Variants in SLC60A2 observed in about 807,000 individuals in gnomAD.
SLC60A2 encodes solute carrier family 60 member 2.
At chr6:111,271,806 A>AAAAAAG in the SLC60A2 span, among the ~76,000 whole-genome samples, 1 of 78,868 alleles carries the variant, frequency 1.3e-5, no homozygotes, top group African/African-American at 3.0e-5. Flanking sequence ...AAAAAAAAAA[A>AAAAAAG]GTACAAATAG....
chr6:111,263,718 CAT>C, the SLC60A2 span: 1 of 605,964 alleles, frequency 1.7e-6, no homozygotes, highest in South Asian at 2.4e-5. Flanking sequence ...CTCATCTACT[CAT>C]TATCTAATTT....
the SLC60A2 span, chr6:111,259,448 C>G: frequency 7.2e-6 from 3 of 415,814 alleles, no homozygotes; most frequent in South Asian, 1.3e-4. Flanking sequence ...GACACCCGTG[C>G]CTGGGGTCGG....
chr6:111,273,050 C>T, the SLC60A2 span, among the ~76,000 whole-genome samples: 11 of 152,266 alleles, frequency 7.2e-5, no homozygotes, highest in Admixed American at 3.9e-4. Context: ...AGGCTGGTCT[C>T]GAACTCCCGA....
chr6:111,266,801 T>C, the SLC60A2 span: 1 of 1,613,934 alleles, frequency 6.2e-7, no homozygotes, highest in Non-Finnish European at 8.5e-7. Context: ...CACCTCTTGA[T>C]CGCCAGCGAA....
At chr6:111,276,092 A>C in the SLC60A2 span, among the ~76,000 whole-genome samples, 1 of 152,188 alleles carries the variant, frequency 6.6e-6, no homozygotes, top group African/African-American at 2.4e-5. Context: ...TCCTTGTTGT[A>C]GCATGTGTTA....
At chr6:111,268,176 A>T in the SLC60A2 span, 1 of 152,230 alleles carries the variant, frequency 6.6e-6, no homozygotes, top group Non-Finnish European at 1.5e-5. Flanking sequence ...TAGCTTTAAG[A>T]ATGTGCTAAT....
At chr6:111,265,812 C>CT in the SLC60A2 span, 11,271 of 1,209,812 alleles carry the variant, frequency 9.3e-3, no homozygotes, top group Non-Finnish European at 0.01. Context: ...GATAAGTGAA[C>CT]TTTTTTTTTT....
chr6:111,262,311 A>C, the SLC60A2 span: 1 of 1,614,168 alleles, frequency 6.2e-7, no homozygotes, highest in Non-Finnish European at 8.5e-7. Context: ...AACAAACGTG[A>C]ACCGAAATAT....
At chr6:111,274,239 C>G in the SLC60A2 span, among the ~76,000 whole-genome samples, 1 of 152,110 alleles carries the variant, frequency 6.6e-6, no homozygotes, top group Non-Finnish European at 1.5e-5. Flanking sequence ...GAATTGATCT[C>G]TTTATCATTA....
the SLC60A2 span, among the ~76,000 whole-genome samples, chr6:111,279,262 TTTC>T: frequency 2.4e-4 from 37 of 151,280 alleles, no homozygotes; most frequent in East Asian, 9.8e-4. Flanking sequence ...ACTTTCTTTC[TTTC>T]TTTTTTTTTT....
the SLC60A2 span, among the ~76,000 whole-genome samples, chr6:111,271,775 T>TAAA: frequency 3.5e-3 from 65 of 18,838 alleles, 8 homozygotes; most frequent in Admixed American, 8.0e-3. Flanking sequence ...CCATCTCTAC[T>TAAA]AAAAAAAAAA....
At chr6:111,279,736 A>G in the SLC60A2 span, among the ~76,000 whole-genome samples, 1 of 152,180 alleles carries the variant, frequency 6.6e-6, no homozygotes, top group Non-Finnish European at 1.5e-5. Context: ...GGGGGGCTTA[A>G]CAGAGTAGGA....
chr6:111,268,133 A>G, the SLC60A2 span: 1 of 152,274 alleles, frequency 6.6e-6, no homozygotes, highest in African/African-American at 2.4e-5. Flanking sequence ...CATGTTCTTC[A>G]TTTCAAATGA....
chr6:111,259,636 AGGT>A, the SLC60A2 span: 4 of 1,519,790 alleles, frequency 2.6e-6, no homozygotes, highest in Non-Finnish European at 2.7e-6. Flanking sequence ...CCGGAGCCGG[AGGT>A]GGTGGTGGTC....
At chr6:111,266,793 C>T in the SLC60A2 span, 2 of 1,614,006 alleles carry the variant, frequency 1.2e-6, no homozygotes, top group South Asian at 1.1e-5. Flanking sequence ...AGCCACTTCA[C>T]CTCTTGATCG....
the SLC60A2 span, among the ~76,000 whole-genome samples, chr6:111,260,837 A>AT: frequency 2.0e-5 from 3 of 152,178 alleles, no homozygotes; most frequent in African/African-American, 7.2e-5. Context: ...ACATGAACTA[A>AT]TTTGATTAGA....
chr6:111,268,159 T>C, the SLC60A2 span: 1 of 152,376 alleles, frequency 6.6e-6, no homozygotes, highest in East Asian at 1.9e-4. Context: ...GAAACCAAAA[T>C]GATAAATAGC....
chr6:111,263,978 G>T, the SLC60A2 span: 1 of 1,124,568 alleles, frequency 8.9e-7, no homozygotes, highest in East Asian at 2.4e-5. Flanking sequence ...ATCTCTGGGA[G>T]TAGGGACTTG....
chr6:111,274,424 A>G, the SLC60A2 span, among the ~76,000 whole-genome samples: 10 of 152,114 alleles, frequency 6.6e-5, no homozygotes, highest in African/African-American at 2.4e-4. Context: ...GGCAGCATAC[A>G]GTTGGGTAAT....
Sources: gnomAD v4.1 joint callset for allele counts (sites outside exome capture counted in the v4.1 genomes callset) on GRCh38, gnomAD v4.1.1 for gene constraint, MANE v1.5 for transcripts, NCBI Gene and HGNC (gene_info 2026-07-23, HGNC 2026-07-21) for gene names.